Variants in RRAS2 observed in about 807,000 individuals in gnomAD.
RRAS2 encodes ras-related protein R-Ras2.
RRAS2 carries 7 observed loss-of-function variants against 27.6 expected under a neutral mutation model. The observed-to-expected ratio is 0.25, with a 90% CI of 0.14 to 0.48. The LOEUF is 0.48. Among genes scored for constraint, RRAS2 ranks in the 20% least tolerant of loss-of-function variants. The probability of loss-of-function intolerance (pLI) is 0.99; values close to 1 mark genes in which losing one functional copy is unlikely to be tolerated. For missense variants in RRAS2, 178 were observed against 256.2 expected (o/e 0.69, Z 2.08); for synonymous variants, 86 against 90.9 (o/e 0.95, Z 0.31).
chr11:14,339,400 G>A lies in RRAS2; in HGVS notation c.108+19363C>T, dbSNP rs1591482784. ...CCTTTTCTGTCTATAAAGCCAAACT[G>A]CTGTGCTCAGTTCATCAGAACAGTC... On this transcript the variant is annotated intron_variant, in intron 1 of 5. Transcript: ENST00000256196. Among the ~76,000 whole-genome samples the A allele has an allele frequency of 5.3e-5, 8 of 151,398 alleles. 1 individual carries two copies. The South Asian group carries it at 1.7e-3, about 32-fold the overall frequency.
chr11:14,290,707 A>C (rs1317050982), intron 4 of RRAS2, among the ~76,000 whole-genome samples: 2 of 152,200 alleles, frequency 1.3e-5, no homozygotes, highest in Non-Finnish European at 2.9e-5. Context: ...AACCATGTCA[A>C]ATGTCACTGA....
intron 1 of RRAS2, among the ~76,000 whole-genome samples, chr11:14,346,912 T>C (rs1440418036): frequency 6.6e-6 from 1 of 152,150 alleles, no homozygotes; most frequent in Non-Finnish European, 1.5e-5. Context: ...ACCAGCCCTG[T>C]GGGAGGCCAA....
intron 1 of RRAS2, among the ~76,000 whole-genome samples, chr11:14,333,138 A>C (rs566472872): frequency 1.3e-5 from 2 of 152,170 alleles, no homozygotes; most frequent in East Asian, 3.8e-4. Flanking sequence ...GTCATCATAT[A>C]TATTTCTTAA....
intron 1 of RRAS2, among the ~76,000 whole-genome samples, chr11:14,328,271 C>G (rs1554951351): frequency 1.4e-5 from 2 of 145,240 alleles, no homozygotes; most frequent in Non-Finnish European, 1.5e-5. Context: ...GAGGCTGAGG[C>G]AGGAGAATCA....
chr11:14,291,825 C>A (rs573739453), intron 4 of RRAS2, among the ~76,000 whole-genome samples: 2 of 152,154 alleles, frequency 1.3e-5, no homozygotes, highest in South Asian at 4.1e-4. Flanking sequence ...GTTGAATACC[C>A]CTTATCCAAA....
intron 4 of RRAS2, among the ~76,000 whole-genome samples, chr11:14,286,777 C>G (rs1214909724): frequency 6.6e-6 from 1 of 152,222 alleles, no homozygotes; most frequent in Non-Finnish European, 1.5e-5. Flanking sequence ...TTTAAATTTA[C>G]CTTGTCTCTC....
chr11:14,284,231 T>C, intron 4 of RRAS2, among the ~76,000 whole-genome samples: 1 of 152,234 alleles, frequency 6.6e-6, no homozygotes, highest in African/African-American at 2.4e-5. Flanking sequence ...TGTTGTGTTC[T>C]AATTTTCATT....
chr11:14,332,488 T>TTC (rs1682075184), intron 1 of RRAS2, among the ~76,000 whole-genome samples: 3 of 152,048 alleles, frequency 2.0e-5, no homozygotes, highest in Non-Finnish European at 4.4e-5. Context: ...AGCAACAGAA[T>TTC]GAGACCTTGT....
In RRAS2 at chr11:14,279,347, A is replaced by C; in HGVS notation, c.605T>G (p.Val202Gly). The C allele has an allele frequency of 6.2e-7, 1 of 1,607,742 alleles. No homozygotes were observed. Among genetic ancestry groups the C allele is most frequent in the Non-Finnish European group, 8.5e-7 (1 of 1,174,282 alleles). The change falls in exon 6 of 6, where the codon GTC (valine) becomes GGC (glycine). Residue 202 changes from valine to glycine, a missense_variant. Coordinates refer to ENST00000256196, the MANE Select transcript of RRAS2 (RefSeq NM_012250.6). ...AAAACTGAAGGGATTCTAGAAAATGACACAATGGCAGCCTTTCTTGTCTTT... is the reference window on the plus strand; with the variant it reads ...AAAACTGAAGGGATTCTAGAAAATGCCACAATGGCAGCCTTTCTTGTCTTT... ...KEKDKKGCHCVIF is the reference protein window; with the variant it reads ...KEKDKKGCHCGIF
At chr11:14,318,213 G>C (rs1554949782) in intron 1 of RRAS2, among the ~76,000 whole-genome samples, 1 of 151,992 alleles carries the variant, frequency 6.6e-6, no homozygotes, top group Non-Finnish European at 1.5e-5. Flanking sequence ...TAATACTTGA[G>C]TGCAGCCGGG....
intron 4 of RRAS2, among the ~76,000 whole-genome samples, chr11:14,294,050 T>C (rs1018660299): frequency 5.3e-5 from 8 of 152,212 alleles, no homozygotes; most frequent in Non-Finnish European, 1.5e-5. Context: ...ATCCAAATAC[T>C]GCAATTTAAA....
intron 1 of RRAS2, among the ~76,000 whole-genome samples, chr11:14,347,290 T>C (rs1848855999): frequency 6.6e-6 from 1 of 152,200 alleles, no homozygotes; most frequent in African/African-American, 2.4e-5. Flanking sequence ...GACAAACGGA[T>C]TAATGCCAAT....
intron 1 of RRAS2, among the ~76,000 whole-genome samples, chr11:14,310,574 T>C (rs1564965219): frequency 2.0e-5 from 3 of 152,174 alleles, no homozygotes; most frequent in South Asian, 2.1e-4. Context: ...GTAATCATAA[T>C]AACAGTGACA....
Position 14,289,413 on chromosome 11 carries a change from T to C in RRAS2, c.408+5058A>G, listed in dbSNP as rs1483832542. Among the ~76,000 whole-genome samples, 3 of 152,182 alleles carry C rather than the reference T, an allele frequency of 2.0e-5. No homozygotes were observed. The East Asian group carries it at 5.8e-4, about 29-fold the overall frequency. On this transcript the variant is annotated intron_variant, in intron 4 of 5. Coordinates refer to ENST00000256196, the MANE Select transcript of RRAS2 (RefSeq NM_012250.6). ...ACTTGAAATCAGATATATCATGAAA[T>C]TCCACTGTCTAAGCCAACATACTGT...
chr11:14,312,074 AG>A (rs1405236056), intron 1 of RRAS2, among the ~76,000 whole-genome samples: 1 of 152,134 alleles, frequency 6.6e-6, no homozygotes, highest in Non-Finnish European at 1.5e-5. Flanking sequence ...CATGTTGGCC[AG>A]GCTGGTCTCA....
intron 1 of RRAS2, among the ~76,000 whole-genome samples, chr11:14,344,222 A>G (rs1393950722): frequency 6.6e-6 from 1 of 152,240 alleles, no homozygotes; most frequent in Admixed American, 6.5e-5. Flanking sequence ...TGAAAATAAT[A>G]ATTCATGTAG....
intron 1 of RRAS2, among the ~76,000 whole-genome samples, chr11:14,313,547 C>T (rs1437724914): frequency 2.6e-5 from 4 of 152,140 alleles, no homozygotes; most frequent in Non-Finnish European, 5.9e-5. Context: ...AGGGTCTTTA[C>T]AGTTATTAAA....
At chr11:14,305,027 A>G (rs1431993909) in intron 1 of RRAS2, among the ~76,000 whole-genome samples, 2 of 152,232 alleles carry the variant, frequency 1.3e-5, no homozygotes, top group Non-Finnish European at 1.5e-5. Context: ...AATGCAGAAT[A>G]ATAAAAGCTA....
At position 14,358,090 on chromosome 11, in the gene RRAS2, G is replaced by A. The variant is rs1180692787; in HGVS notation, c.108+673C>T. The A allele has an allele frequency of 6.9e-6, 3 of 434,322 alleles. No individual in the cohort carries two copies. Among genetic ancestry groups the A allele is most frequent in the African/African-American group, 2.1e-5 (1 of 46,784 alleles). The allele number at this position is 434,322 out of a possible 1,614,324, so 26.9% of individuals were successfully genotyped here. A position where few individuals can be genotyped will look rare whatever the true frequency, so the allele number is the denominator to read the frequency against. The stretch of plus-strand genomic sequence containing the variant: ...ACCTAGGCACGGCGAGAAGCAGGAC[G>A]GCATCAGGAATTCCTAGGAAATGGT... On this transcript the variant is annotated intron_variant, in intron 1 of 5. Transcript: ENST00000256196. The surrounding 1 kb of genome is among the most constrained non-coding windows in gnomAD (Gnocchi z 5.1).
Sources: gnomAD v4.1 joint callset for allele counts (sites outside exome capture counted in the v4.1 genomes callset) on GRCh38, gnomAD v4.1.1 for gene constraint, Gnocchi (gnomAD v3.1) non-coding constraint, MANE v1.5 for transcripts, NCBI Gene and HGNC (gene_info 2026-07-23, HGNC 2026-07-21) for gene names.